CHD3: variants seen among roughly 807,000 people sequenced by gnomAD.
CHD3 encodes chromodomain helicase DNA binding protein 3.
Under a neutral mutation model 248.9 loss-of-function variants are expected in CHD3, and 52 were observed. The observed-to-expected ratio is 0.21, with a 90% CI of 0.17 to 0.26. CHD3 has a LOEUF of 0.26. Ranked by LOEUF, CHD3 falls within the 10% of genes least tolerant of loss-of-function variation. The pLI is 1.00. For missense variants in CHD3, 1,482 were observed against 2,605.8 expected (o/e 0.57, Z 9.39); for synonymous variants, 985 against 985.2 (o/e 1.00, Z 0.00).
In CHD3 at chr17:7,906,359, CA is replaced by C. The variant is rs1371352273; in HGVS notation, c.4359-193del. 1.5e-5 allele frequency: 10 copies of C among 686,578 alleles called. No homozygotes were observed. The highest frequency in any genetic ancestry group is 2.3e-5 in the Non-Finnish European group (9 of 390,334). The allele number at this position is 686,578 out of a possible 1,614,324, so 42.5% of individuals were successfully genotyped here. ...AGTACCAAGGCCAAAGGGAAAGACC[CA>C]GGGGTGGGGCGCAGGGGGACAGTTA... On this transcript the variant is annotated intron_variant, in intron 28 of 39. Transcript: ENST00000330494. The surrounding 1 kb of genome is among the most constrained non-coding windows in gnomAD (Gnocchi z 5.0).
intron 20 of CHD3, among the ~76,000 whole-genome samples, chr17:7,902,363 G>GCT (rs1231979431): frequency 1.3e-5 from 2 of 152,038 alleles, no homozygotes; most frequent in Non-Finnish European, 2.9e-5. Context: ...GGAGGTTGCA[G>GCT]TGAGCAGAGA....
chr17:7,885,064 G>GCCGCCGCCCCCGCCC (rs1555603528), upstream of CHD3: 26 of 983,566 alleles, frequency 2.6e-5, no homozygotes, highest in Admixed American at 1.6e-3. Flanking sequence ...TGCCCCCGCC[G>GCCGCCGCCCCCGCCC]CCGCCGCCCC....
In CHD3 at chr17:7,904,636, A is replaced by C. The variant is rs373061784; in HGVS notation, c.4072+17A>C. ...AAGACCAAGGTGAGGACTGCCCCAG[A>C]TGCAGGCAGTAAAGGGGGGAAGTGA... On this transcript the variant is annotated intron_variant, in intron 25 of 39. Coordinates refer to ENST00000330494, the MANE Select transcript of CHD3 (RefSeq NM_001005273.3). The surrounding 1 kb of genome is among the most constrained non-coding windows in gnomAD (Gnocchi z 4.4). 4 of 1,606,486 alleles carry C rather than the reference A, an allele frequency of 2.5e-6. No individual in the cohort carries two copies. The highest frequency in any genetic ancestry group is 3.4e-6 in the Non-Finnish European group (4 of 1,174,204).
rs377616621 is a variant in CHD3, at chr17:7,908,046, C to A, written c.5152+27C>A. The stretch of plus-strand genomic sequence containing the variant: ...TTGGGGAGACTCTCGCTGCTTTCTG[C>A]TCCTCAAGGGGATCTGCTCATCCTC... On this transcript the variant is annotated intron_variant, in intron 34 of 39. Transcript: ENST00000330494. The surrounding 1 kb of genome is among the most constrained non-coding windows in gnomAD (Gnocchi z 5.8). The A allele has an allele frequency of 2.0e-5, 32 of 1,579,092 alleles. No homozygotes were observed. The highest frequency in any genetic ancestry group is 2.5e-5 in the Non-Finnish European group (29 of 1,157,380).
In CHD3 at chr17:7,899,408, G is replaced by A. The variant is rs891323504; in HGVS notation, c.2409G>A (p.Glu803=). The A allele has an allele frequency of 6.2e-7, 1 of 1,614,190 alleles. No individual in the cohort carries two copies. Among genetic ancestry groups the A allele is most frequent in the Middle Eastern group, 1.7e-4 (1 of 6,060 alleles). The change falls in exon 15 of 40, where the codon GAG becomes GAA. Residue 803 remains glutamate, a synonymous_variant. Transcript: ENST00000330494. The surrounding 1 kb of genome is among the most constrained non-coding windows in gnomAD (Gnocchi z 6.8). ...CTACCATCATTAACTGGGAGCGGGA[G>A]TTCCAGATGTGGGCACCCAAATTCT... ...PLSTIINWER[E]FQMWAPKFYV...
chr17:7,904,731 C>T lies in CHD3; in HGVS notation c.4072+112C>T. On this transcript the variant is annotated intron_variant, in intron 25 of 39. Transcript: ENST00000330494. The surrounding 1 kb of genome is among the most constrained non-coding windows in gnomAD (Gnocchi z 4.4). ...GAGAAGCCTAGAAGTCAGAGCCTTC[C>T]TCTGCTAAAAGGGAAAGACATAAGG... The T allele has an allele frequency of 2.9e-6, 3 of 1,031,938 alleles. No homozygotes were observed. The highest frequency in any genetic ancestry group is 4.2e-6 in the Non-Finnish European group (3 of 715,778). The allele number at this position is 1,031,938 out of a possible 1,614,324, so 63.9% of individuals were successfully genotyped here. A position where few individuals can be genotyped will look rare whatever the true frequency, so the allele number is the denominator to read the frequency against.
rs1054524958 is a variant in CHD3 at position 7,895,802 on chromosome 17, T to C, written c.1707+260T>C. The stretch of plus-strand genomic sequence containing the variant: ...TCATGTCCTTCCTTATCTGTCTTTT[T>C]CCATGTTTTATAATATTCCTGGCTG... On this transcript the variant is annotated intron_variant, in intron 10 of 39. Transcript: ENST00000330494. This position sits in a 1 kb window ranked among gnomAD's most constrained non-coding sequence, Gnocchi z 4.9. 6.6e-6 allele frequency among the ~76,000 whole-genome samples: 1 copy of C among 152,136 alleles called. No individual in the cohort carries two copies. The highest frequency in any genetic ancestry group is 2.1e-4 in the South Asian group (1 of 4,832).
upstream of CHD3, chr17:7,888,712 G>A: frequency 1.4e-6 from 1 of 729,020 alleles, no homozygotes; most frequent in Non-Finnish European, 1.9e-6. Flanking sequence ...GGGCCTGAGA[G>A]TGTGTGTGGG....
At position 7,904,613 on chromosome 17, in the gene CHD3, G is replaced by A. The variant is rs1401422088; in HGVS notation, c.4066G>A (p.Asp1356Asn). Residue 1356 changes from aspartate to asparagine, a missense_variant, in exon 25 of 40, where the codon GAC becomes AAC. Transcript: ENST00000330494. This position sits in a 1 kb window ranked among gnomAD's most constrained non-coding sequence, Gnocchi z 4.4. The part of the protein sequence containing the change: ...QVNYNDAAQE[D>N]QDNQSEYSVG... ...TAACTACAATGATGCTGCTCAGGAA[G>A]ACCAAGGTGAGGACTGCCCCAGATG... The A allele has an allele frequency of 6.2e-7, 1 of 1,613,426 alleles. No homozygotes were observed. The highest frequency in any genetic ancestry group is 8.5e-7 in the Non-Finnish European group (1 of 1,179,462).
Position 7,905,156 on chromosome 17 carries a change from C to T in CHD3, c.4129C>T (p.Arg1377Cys), listed in dbSNP as rs993747779. Residue 1377 changes from arginine to cysteine, a missense_variant, in exon 26 of 40, where the codon CGT becomes TGT. By Grantham distance (180) the Arg-to-Cys change is radical. Coordinates refer to ENST00000330494, the MANE Select transcript of CHD3 (RefSeq NM_001005273.3). This position sits in a 1 kb window ranked among gnomAD's most constrained non-coding sequence, Gnocchi z 5.8. ...GGAGGAGGATGAAGACTTCGATGAA[C>T]GTCCTGAAGGTGGCATCTGTGTTCC... Reference protein sequence around the residue: ...SEEEDEDFDERPEGRRQSKRQ... With the variant: ...SEEEDEDFDECPEGRRQSKRQ... 11 of 1,613,990 alleles carry T rather than the reference C, an allele frequency of 6.8e-6. No individual in the cohort carries two copies. The highest frequency in any genetic ancestry group is 4.0e-5 in the African/African-American group (3 of 74,942).
chr17:7,885,349 C>T (rs1967718772), upstream of CHD3: 1 of 139,826 alleles, frequency 7.2e-6, no homozygotes, highest in Admixed American at 8.9e-5. Flanking sequence ...CGCCGCCACC[C>T]CGGCTGGAGA....
At position 7,900,786 on chromosome 17, in the gene CHD3, C is replaced by T; in HGVS notation, c.2978+55C>T. ...GGGCTTGGGGATTGATGGGAGCGTT[C>T]CAAGTGCAATATCATAATTGCTTCC... On this transcript the variant is annotated intron_variant, in intron 18 of 39. Transcript: ENST00000330494. The surrounding 1 kb of genome is among the most constrained non-coding windows in gnomAD (Gnocchi z 6.5). 1.9e-6 allele frequency: 3 copies of T among 1,610,008 alleles called. No individual in the cohort carries two copies. The highest frequency in any genetic ancestry group is 2.5e-6 in the Non-Finnish European group (3 of 1,176,752).
chr17:7,887,160 G>A (rs912490671), upstream of CHD3, among the ~76,000 whole-genome samples: 10 of 152,016 alleles, frequency 6.6e-5, no homozygotes, highest in African/African-American at 2.4e-4. Context: ...CCTCCTCTAA[G>A]GAAATTTGTT....
In CHD3 at chr17:7,905,039, C is replaced by T. The variant is rs1255327129; in HGVS notation, c.4073-61C>T. On this transcript the variant is annotated intron_variant, in intron 25 of 39. Transcript: ENST00000330494. This position sits in a 1 kb window ranked among gnomAD's most constrained non-coding sequence, Gnocchi z 5.8. Reference sequence around the variant, plus strand: ...CAGGGAGGAATCCAGCCAGAAAGGGCCTCAGCATGGGCATATCCCGAGAGC... The same window carrying T: ...CAGGGAGGAATCCAGCCAGAAAGGGTCTCAGCATGGGCATATCCCGAGAGC... 49 of 1,461,370 alleles carry T rather than the reference C, an allele frequency of 3.4e-5. No individual in the cohort carries two copies. The highest frequency in any genetic ancestry group is 4.2e-5 in the Non-Finnish European group (44 of 1,041,760). The allele number at this position is 1,461,370 out of a possible 1,614,324, so 90.5% of individuals were successfully genotyped here.
At chr17:7,886,429 A>G (rs995465972), upstream of CHD3, among the ~76,000 whole-genome samples, 10 of 152,198 alleles carry the variant, frequency 6.6e-5, no homozygotes, top group Non-Finnish European at 1.3e-4. This position sits in a 1 kb window ranked among gnomAD's most constrained non-coding sequence, Gnocchi z 4.2. Context: ...AAATGCACCA[A>G]ACTTCAAAAC....
chr17:7,891,533 T>G (rs1332468177), intron 4 of CHD3, among the ~76,000 whole-genome samples: 2 of 152,028 alleles, frequency 1.3e-5, no homozygotes, highest in Admixed American at 6.5e-5. Context: ...CTTCAGTGGC[T>G]CCTGAAGAAA....
Position 7,908,948 on chromosome 17 carries a change from A to G in CHD3, c.5394+119A>G. The G allele has an allele frequency of 6.8e-7, 1 of 1,463,372 alleles. No individual in the cohort carries two copies. The highest frequency in any genetic ancestry group is 1.2e-5 in the South Asian group (1 of 80,168). 90.6% of individuals were successfully genotyped at this position (1,463,372 alleles called of 1,614,324 possible). A position where few individuals can be genotyped will look rare whatever the true frequency, so the allele number is the denominator to read the frequency against. ...CAGGGCTGAGGTGATACCTGGGGCCAAGACCAAAGTGTAACCTTGTGCTTG... is the reference window on the plus strand; with the variant it reads ...CAGGGCTGAGGTGATACCTGGGGCCGAGACCAAAGTGTAACCTTGTGCTTG... On this transcript the variant is annotated intron_variant, in intron 36 of 39. Coordinates refer to ENST00000330494, the MANE Select transcript of CHD3 (RefSeq NM_001005273.3). This position sits in a 1 kb window ranked among gnomAD's most constrained non-coding sequence, Gnocchi z 5.8.
In CHD3 at chr17:7,900,229, T is replaced by C. The variant is rs1970145943; in HGVS notation, c.2683-61T>C. The C allele has an allele frequency of 5.0e-6, 8 of 1,607,378 alleles. No individual in the cohort carries two copies. The East Asian group carries it at 8.9e-5, about 18-fold the overall frequency. On this transcript the variant is annotated intron_variant, in intron 16 of 39. Coordinates refer to ENST00000330494, the MANE Select transcript of CHD3 (RefSeq NM_001005273.3). This position sits in a 1 kb window ranked among gnomAD's most constrained non-coding sequence, Gnocchi z 6.5. ...CTGGGGCAGGGAAAGGCTGATGCTG[T>C]GGGTCGGTCACTTGTCACTAATAAG...
rs187958191 is a variant in CHD3 at position 7,912,024 on chromosome 17, G to A, written c.*439G>A. On this transcript the variant is annotated 3_prime_UTR_variant, in exon 40 of 40. Coordinates refer to ENST00000330494, the MANE Select transcript of CHD3 (RefSeq NM_001005273.3). ...CTTTTGTGGGGAAGAGAGCTTTGAA[G>A]AGAGGAGGGGGACTTTAGAGAGGGA... The A allele has an allele frequency of 3.8e-5, 12 of 313,508 alleles. No individual in the cohort carries two copies. Among genetic ancestry groups the A allele is most frequent in the Admixed American group, 1.4e-4 (3 of 21,268 alleles). The allele number at this position is 313,508 out of a possible 1,614,324, so 19.4% of individuals were successfully genotyped here. A position where few individuals can be genotyped will look rare whatever the true frequency, so the allele number is the denominator to read the frequency against.
Sources: gnomAD v4.1 joint callset for allele counts (sites outside exome capture counted in the v4.1 genomes callset) on GRCh38, gnomAD v4.1.1 for gene constraint, Gnocchi (gnomAD v3.1) non-coding constraint, MANE v1.5 for transcripts, NCBI Gene and HGNC (gene_info 2026-07-23, HGNC 2026-07-21) for gene names.